The following EPB41L3 variants were observed in gnomAD, a reference collection of about 807,000 sequenced individuals.
EPB41L3 encodes the protein band 4.1-like protein 3.
A neutral mutation model predicts 127.1 loss-of-function variants in EPB41L3; 57 were observed. The observed-to-expected ratio is 0.45, with a 90% CI of 0.36 to 0.56. The LOEUF (loss-of-function observed/expected upper bound fraction) is 0.56, where lower values mean the gene tolerates loss of function less well. Among genes scored for constraint, EPB41L3 ranks in the 20% least tolerant of loss-of-function variants. The pLI, the probability that EPB41L3 is intolerant of heterozygous loss-of-function variation, is 0.00. For synonymous variants in EPB41L3, 572 were observed against 549.5 expected, an observed-to-expected ratio of 1.04 and a Z score of -0.57; for missense variants, 1,273 against 1,372.2, an observed-to-expected ratio of 0.93 and a Z score of 1.14.
At chr18:5,403,788 A>C (rs911829529) in intron 16 of EPB41L3, among the ~76,000 whole-genome samples, 3 of 152,148 alleles carry the variant, frequency 2.0e-5, no homozygotes, top group Non-Finnish European at 4.4e-5. Context: ...GTTTAATTGA[A>C]GTAGGCTTTA....
rs2072715154 is a variant in EPB41L3 at position 5,393,447 on chromosome 18, A to G, written c.*38T>C. 3 of 700,782 alleles carry G rather than the reference A, an allele frequency of 4.3e-6. No individual in the cohort carries two copies. Among genetic ancestry groups the G allele is most frequent in the Admixed American group, 2.0e-5 (1 of 49,442 alleles). The allele number at this position is 700,782 out of a possible 1,614,324, so 43.4% of individuals were successfully genotyped here. On this transcript the variant is annotated 3_prime_UTR_variant, in exon 23 of 23. Coordinates refer to ENST00000341928, the MANE Select transcript of EPB41L3 (RefSeq NM_012307.5). ...GGCTCTGGTTTTCCTAACGGTTTGC[A>G]TGACTGCATTCATGTGCAAGCTAAG...
chr18:5,581,473 G>A (rs904800463), intron 3 of EPB41L3, among the ~76,000 whole-genome samples: 1 of 152,116 alleles, frequency 6.6e-6, no homozygotes, highest in Non-Finnish European at 1.5e-5. Flanking sequence ...TTTTGTTTAT[G>A]TAAGTAAGTA....
chr18:5,578,677 T>C (rs191955049), intron 3 of EPB41L3, among the ~76,000 whole-genome samples: 5 of 152,192 alleles, frequency 3.3e-5, no homozygotes. Flanking sequence ...AGTAGTCAGA[T>C]AAATGTAAAT....
Position 5,445,139 on chromosome 18 carries a change from CCTT to C in EPB41L3, c.484_486del (p.Lys162del), listed in dbSNP as rs1313220194. On this transcript the variant is annotated inframe_deletion and splice_region_variant, in exon 4 of 23. Coordinates refer to ENST00000341928, the MANE Select transcript of EPB41L3 (RefSeq NM_012307.5). ...ATTTTGCATTGCTTTTGATCACTCA[CCTT>C]CTGGTTTTCAGCATCTCGATACGTA... 3 of 1,612,938 alleles carry C rather than the reference CCTT, an allele frequency of 1.9e-6. No individual in the cohort carries two copies. Among genetic ancestry groups the C allele is most frequent in the Non-Finnish European group, 8.5e-7 (1 of 1,179,052 alleles).
At chr18:5,450,630 A>T (rs1199745657) in intron 3 of EPB41L3, among the ~76,000 whole-genome samples, 5 of 151,150 alleles carry the variant, frequency 3.3e-5, no homozygotes, top group African/African-American at 9.8e-5. Context: ...ATAATTAATT[A>T]AAAAGGTTAG....
rs2091609562 is a variant in EPB41L3 at position 5,500,157 on chromosome 18, A to C, written c.-11-10963T>G. On this transcript the variant is annotated intron_variant, in intron 1 of 22. Transcript: ENST00000341928. ...AGAAGTCAGTACCTTTCAAGATATA[A>C]ATGTCCAACCCTGTTTAAAATTTCC... Among the ~76,000 whole-genome samples, 3 of 152,268 alleles carry C rather than the reference A, an allele frequency of 2.0e-5. No homozygotes were observed. In the South Asian group the frequency reaches 6.2e-4, roughly 32 times the overall value.
chr18:5,520,527 C>T (rs2092943262), intron 1 of EPB41L3, among the ~76,000 whole-genome samples: 1 of 149,300 alleles, frequency 6.7e-6, no homozygotes, highest in Non-Finnish European at 1.5e-5. Context: ...AGTTGTATCA[C>T]CCATGCTCGC....
At chr18:5,522,419 T>A (rs888108854) in intron 1 of EPB41L3, among the ~76,000 whole-genome samples, 1 of 152,180 alleles carries the variant, frequency 6.6e-6, no homozygotes, top group African/African-American at 2.4e-5. Flanking sequence ...CCGCTAAGCC[T>A]GGCCGCCAAA....
At chr18:5,407,677 T>C (rs1405437381) in intron 15 of EPB41L3, 24 bp downstream of exon 15, 9 of 1,612,096 alleles carry the variant, frequency 5.6e-6, no homozygotes, top group Admixed American at 1.7e-5. Context: ...GTTGTTGTTG[T>C]TTGTTTTATT....
At chr18:5,596,384 A>G (rs2094537283) in intron 3 of EPB41L3, among the ~76,000 whole-genome samples, 1 of 152,146 alleles carries the variant, frequency 6.6e-6, no homozygotes, top group African/African-American at 2.4e-5. Flanking sequence ...CTTATTTCCT[A>G]TATTACAAAA....
intron 1 of EPB41L3, among the ~76,000 whole-genome samples, chr18:5,506,469 T>A (rs1226975363): frequency 1.3e-5 from 2 of 152,270 alleles, no homozygotes; most frequent in African/African-American, 4.8e-5. Flanking sequence ...TGTGTTCAAG[T>A]CTTTGCTCAG....
At chr18:5,584,910 T>C (rs1297134337) in intron 3 of EPB41L3, among the ~76,000 whole-genome samples, 2 of 152,200 alleles carry the variant, frequency 1.3e-5, no homozygotes, top group Non-Finnish European at 2.9e-5. Flanking sequence ...ATATACAGCA[T>C]GAGACGATGA....
At chr18:5,521,686 G>C (rs2092996727) in intron 1 of EPB41L3, among the ~76,000 whole-genome samples, 1 of 152,114 alleles carries the variant, frequency 6.6e-6, no homozygotes, top group South Asian at 2.1e-4. Context: ...TCTATAAACT[G>C]AGGAGACAAT....
At chr18:5,573,973 C>T (rs995891698) in intron 3 of EPB41L3, among the ~76,000 whole-genome samples, 3 of 150,736 alleles carry the variant, frequency 2.0e-5, no homozygotes, top group South Asian at 2.1e-4. Flanking sequence ...TGCAATGGCA[C>T]GATCTCGGCT....
intron 6 of EPB41L3, 39 bp downstream of exon 6, chr18:5,437,996 C>T (rs748938660): frequency 6.6e-5 from 104 of 1,582,502 alleles, no homozygotes; most frequent in Admixed American, 8.4e-5. Flanking sequence ...CACAACTCTC[C>T]CAATATGCTT....
At chr18:5,514,303 T>C (rs1265718980) in intron 1 of EPB41L3, among the ~76,000 whole-genome samples, 2 of 152,252 alleles carry the variant, frequency 1.3e-5, no homozygotes, top group Admixed American at 1.3e-4. Context: ...TAAGTTCATA[T>C]ATGTTTTTAT....
rs2072698440 is a variant in EPB41L3, at chr18:5,393,333, T to C, written c.*152A>G. 2.7e-5 allele frequency: 14 copies of C among 526,000 alleles called. No individual in the cohort carries two copies. The South Asian group carries it at 3.7e-4, about 14-fold the overall frequency. The allele number at this position is 526,000 out of a possible 1,614,324, so 32.6% of individuals were successfully genotyped here. On this transcript the variant is annotated 3_prime_UTR_variant, in exon 23 of 23. Coordinates refer to ENST00000341928, the MANE Select transcript of EPB41L3 (RefSeq NM_012307.5). ...ATGGGAAGATCTCTCTGCCAGTGTC[T>C]TTATTAATGGTCAAGGTCAATTCTT...
rs1370529300 is a variant in EPB41L3 at position 5,543,441 on chromosome 18, C to T, written c.-12+472G>A. On this transcript the variant is annotated intron_variant, in intron 1 of 22. Coordinates refer to ENST00000341928, the MANE Select transcript of EPB41L3 (RefSeq NM_012307.5). This position sits in a 1 kb window ranked among gnomAD's most constrained non-coding sequence, Gnocchi z 5.2. ...CCGCCCGGGCGGCGCCGCAGTGTCG[C>T]CCCCTGTCCCCCGCACCTCCCCGGG... 6.8e-6 allele frequency: 1 copy of T among 147,010 alleles called. No homozygotes were observed. Among genetic ancestry groups the T allele is most frequent in the African/African-American group, 2.4e-5 (1 of 40,908 alleles). 9.1% of individuals were successfully genotyped at this position (147,010 alleles called of 1,614,324 possible). A position where few individuals can be genotyped will look rare whatever the true frequency, so the allele number is the denominator to read the frequency against.
chr18:5,501,568 T>C (rs1326871462), intron 1 of EPB41L3, among the ~76,000 whole-genome samples: 2 of 152,128 alleles, frequency 1.3e-5, no homozygotes, highest in Admixed American at 6.5e-5. Flanking sequence ...TTAATGGAAT[T>C]TGGTTTTCCC....
Sources: gnomAD v4.1 joint callset for allele counts (sites outside exome capture counted in the v4.1 genomes callset) on GRCh38, gnomAD v4.1.1 for gene constraint, Gnocchi (gnomAD v3.1) non-coding constraint, MANE v1.5 for transcripts, NCBI Gene and HGNC (gene_info 2026-07-23, HGNC 2026-07-21) for gene names.